Variants in DOCK4 observed in about 807,000 individuals in gnomAD.
DOCK4 encodes the protein dedicator of cytokinesis 4, also known as dedicator of cytokinesis protein 4.
In DOCK4, 97 loss-of-function variants were observed where a neutral mutation model predicts 268.1. The ratio of observed to expected loss-of-function variants is 0.36; its 90% CI spans 0.31 to 0.43. DOCK4 has a LOEUF of 0.43. Ranked by LOEUF, DOCK4 falls within the 20% of genes least tolerant of loss-of-function variation. The probability of loss-of-function intolerance (pLI) is 1.00; values close to 1 mark genes in which losing one functional copy is unlikely to be tolerated. For synonymous variants in DOCK4, 954 were observed against 887.2 expected (o/e 1.08, Z -1.34); for missense variants, 2,145 against 2,455.7 (o/e 0.87, Z 2.67).
chr7:111,758,819 T>C, intron 40 of DOCK4, 29 bp from the exon 41 acceptor site: 1 of 1,610,592 alleles, frequency 6.2e-7, no homozygotes, highest in Non-Finnish European at 8.5e-7. Context: ...GGAGAGAACC[T>C]GACTTGGCAA....
chr7:111,840,939 G>T, intron 25 of DOCK4: 1 of 824,340 alleles, frequency 1.2e-6, no homozygotes, highest in Non-Finnish European at 1.8e-6. Flanking sequence ...TGAAAGACAA[G>T]ACCAGGGCAT....
intron 12 of DOCK4, among the ~76,000 whole-genome samples, chr7:111,934,523 GTTTTTTTTTTTTTT>G (rs1183672033): frequency 2.4e-5 from 2 of 83,836 alleles, no homozygotes; most frequent in East Asian, 2.8e-4. Context: ...TTTTGTTTTT[GTTTTTTTTTTTTTT>G]TTTTTTTTTT....
At chr7:112,140,989 T>G (rs1814868498) in intron 1 of DOCK4, among the ~76,000 whole-genome samples, 1 of 151,684 alleles carries the variant, frequency 6.6e-6, no homozygotes, top group South Asian at 2.1e-4. Context: ...CTAAATGCCC[T>G]GTCTTCCTCC....
chr7:111,990,861 C>T (rs569246827), intron 5 of DOCK4, among the ~76,000 whole-genome samples: 1 of 152,104 alleles, frequency 6.6e-6, no homozygotes, highest in Non-Finnish European at 1.5e-5. Context: ...CCCTAACAGC[C>T]GGAGAATGCA....
At chr7:112,143,365 A>G (rs1815114716) in intron 1 of DOCK4, among the ~76,000 whole-genome samples, 1 of 152,164 alleles carries the variant, frequency 6.6e-6, no homozygotes, top group African/African-American at 2.4e-5. Flanking sequence ...GAGCTTATAT[A>G]CGGTCAAGTA....
In DOCK4 at chr7:112,079,868, C is replaced by T. The variant is rs112552350; in HGVS notation, c.38-75737G>A. ...TCATCTTCATTATTTTCTACAGCCCCCAGAGGGCAGACTTAGGAACAATGG... is the reference window on the plus strand; with the variant it reads ...TCATCTTCATTATTTTCTACAGCCCTCAGAGGGCAGACTTAGGAACAATGG... On this transcript the variant is annotated intron_variant, in intron 1 of 52. Coordinates refer to ENST00000428084, the MANE Select transcript of DOCK4 (RefSeq NM_001363540.2). Among the ~76,000 whole-genome samples, 140 of 152,228 alleles carry T rather than the reference C, an allele frequency of 9.2e-4. 1 individual carries two copies. The highest frequency in any genetic ancestry group is 3.2e-3 in the African/African-American group (133 of 41,542).
intron 16 of DOCK4, among the ~76,000 whole-genome samples, chr7:111,877,467 T>C (rs1402157462): frequency 6.6e-6 from 1 of 152,198 alleles, no homozygotes; most frequent in African/African-American, 2.4e-5. Context: ...TCCGTTATCT[T>C]CTCTAAAATC....
intron 50 of DOCK4, among the ~76,000 whole-genome samples, chr7:111,735,387 G>T (rs182973643): frequency 6.6e-6 from 1 of 152,162 alleles, no homozygotes; most frequent in Non-Finnish European, 1.5e-5. Flanking sequence ...TTCCCTTAAT[G>T]CTGTCAAAGG....
At chr7:111,952,289 T>C (rs1169597901) in intron 8 of DOCK4, among the ~76,000 whole-genome samples, 1 of 152,164 alleles carries the variant, frequency 6.6e-6, no homozygotes, top group Non-Finnish European at 1.5e-5. Context: ...CAGCATAGTG[T>C]GGTAGAAATG....
intron 5 of DOCK4, among the ~76,000 whole-genome samples, chr7:111,991,838 G>A (rs1799556497): frequency 6.6e-6 from 1 of 151,792 alleles, no homozygotes. Context: ...GGTGGTAGCT[G>A]TAGTCCCAGC....
At chr7:111,882,156 T>C (rs1807444917) in intron 16 of DOCK4, among the ~76,000 whole-genome samples, 1 of 152,220 alleles carries the variant, frequency 6.6e-6, no homozygotes, top group Non-Finnish European at 1.5e-5. Flanking sequence ...TATTATGCAT[T>C]GCATGCTTAT....
intron 8 of DOCK4, among the ~76,000 whole-genome samples, chr7:111,970,319 A>C (rs1797606376): frequency 7.1e-6 from 1 of 140,146 alleles, no homozygotes; most frequent in South Asian, 2.1e-4. Context: ...GCAAGTTATT[A>C]AAAAAAAAGA....
chr7:111,857,108 T>C (rs965179868), intron 23 of DOCK4, among the ~76,000 whole-genome samples: 2 of 152,198 alleles, frequency 1.3e-5, no homozygotes, highest in African/African-American at 4.8e-5. Flanking sequence ...CTACACTTTA[T>C]AGTTCTAAGA....
At chr7:112,016,819 C>A (rs947975878) in intron 1 of DOCK4, among the ~76,000 whole-genome samples, 7 of 152,158 alleles carry the variant, frequency 4.6e-5, no homozygotes, top group Non-Finnish European at 7.4e-5. Flanking sequence ...AAAAACATTT[C>A]ATTTATTTCA....
intron 24 of DOCK4, among the ~76,000 whole-genome samples, chr7:111,846,775 C>A (rs540871536): frequency 5.3e-5 from 8 of 152,294 alleles, no homozygotes; most frequent in Admixed American, 2.0e-4. Flanking sequence ...GTATGCAGTT[C>A]TTCCTTGAAA....
At chr7:112,021,153 A>G (rs749705349) in intron 1 of DOCK4, among the ~76,000 whole-genome samples, 3 of 152,242 alleles carry the variant, frequency 2.0e-5, no homozygotes, top group Non-Finnish European at 2.9e-5. Context: ...TGCTCCAGAA[A>G]TCAGCCTTTT....
chr7:111,763,077 G>A lies in DOCK4; in HGVS notation c.4020+2041C>T, dbSNP rs554872655. Among the ~76,000 whole-genome samples, 71 of 151,450 alleles carry A rather than the reference G, an allele frequency of 4.7e-4. 2 individuals are homozygous for A. The South Asian group carries it at 6.7e-3, about 14-fold the overall frequency. On this transcript the variant is annotated intron_variant, in intron 39 of 52. Transcript: ENST00000428084. Reference sequence around the variant, plus strand: ...GCTACCGTGCCCAGCTAAATAACCCGTTTTTCATGAGGGGAAAAATCCCTA... The same window carrying A: ...GCTACCGTGCCCAGCTAAATAACCCATTTTTCATGAGGGGAAAAATCCCTA...
chr7:111,940,501 T>C (rs951867284), intron 10 of DOCK4, among the ~76,000 whole-genome samples: 11 of 152,202 alleles, frequency 7.2e-5, no homozygotes, highest in African/African-American at 2.4e-4. Flanking sequence ...ACAGATCCCA[T>C]GTTTGGGAAC....
At chr7:112,119,166 A>G (rs1586859922) in intron 1 of DOCK4, among the ~76,000 whole-genome samples, 1 of 152,292 alleles carries the variant, frequency 6.6e-6, no homozygotes, top group East Asian at 1.9e-4. Context: ...TCACTCTCCA[A>G]GACAAGAAGT....
Sources: allele counts gnomAD v4.1 joint callset (sites outside exome capture counted in the v4.1 genomes callset), GRCh38; gene constraint gnomAD v4.1.1; transcripts MANE v1.5; gene names NCBI Gene and HGNC (gene_info 2026-07-23, HGNC 2026-07-21).